WWP2: variants seen among roughly 807,000 people sequenced by gnomAD.
The protein encoded by WWP2 is WW domain containing E3 ubiquitin protein ligase 2, also known as NEDD4-like E3 ubiquitin-protein ligase WWP2.
Under a neutral mutation model 121.0 loss-of-function variants are expected in WWP2, and 57 were observed. The observed-to-expected ratio is 0.47, with a 90% CI of 0.38 to 0.59. The LOEUF (loss-of-function observed/expected upper bound fraction) is 0.59. Among genes scored for constraint, WWP2 ranks in the 20% least tolerant of loss-of-function variants. WWP2 has a pLI of 0.00. For missense variants in WWP2, 962 were observed against 1,158.9 expected (o/e 0.83, Z 2.47); for synonymous variants, 449 against 441.3 (o/e 1.02, Z -0.22).
At chr16:69,930,007 C>T (rs921127991) in intron 12 of WWP2, 123 bp from the exon 13 acceptor site, 58 of 1,418,774 alleles carry the variant, frequency 4.1e-5, no homozygotes, top group Non-Finnish European at 5.4e-5. Flanking sequence ...TTCTTGGGTG[C>T]ATGTCCTCAA....
At chr16:69,931,304 A>G (rs1229013057) in intron 14 of WWP2, 77 bp downstream of exon 14, 6 of 1,573,414 alleles carry the variant, frequency 3.8e-6, no homozygotes, top group Admixed American at 3.4e-5. Flanking sequence ...GCACAGCAGC[A>G]GGTATCGGAA....
intron 2 of WWP2, among the ~76,000 whole-genome samples, chr16:69,791,692 A>G (rs895338860): frequency 2.6e-5 from 4 of 151,908 alleles, no homozygotes; most frequent in African/African-American, 4.8e-5. Context: ...CTAATTCTTA[A>G]ATTTTTTTTA....
At chr16:69,919,275 C>T (rs1345689810) in intron 10 of WWP2, among the ~76,000 whole-genome samples, 1 of 25,998 alleles carries the variant, frequency 3.8e-5, no homozygotes, top group Non-Finnish European at 6.2e-5. Context: ...AAGCAATTCT[C>T]CTGCCTCACC....
chr16:69,854,068 G>C (rs1040247107), intron 6 of WWP2, among the ~76,000 whole-genome samples: 3 of 152,226 alleles, frequency 2.0e-5, no homozygotes, highest in South Asian at 2.1e-4. Flanking sequence ...GCCACAATAA[G>C]GGCACAATTC....
At chr16:69,850,893 T>G (rs1408641279) in intron 6 of WWP2, among the ~76,000 whole-genome samples, 1 of 152,128 alleles carries the variant, frequency 6.6e-6, no homozygotes, top group Non-Finnish European at 1.5e-5. Context: ...ATATATACTC[T>G]CTTCCCCACT....
rs1358737651 is a variant in WWP2, at chr16:69,937,519, C to T, written c.2239-29C>T. ...GGACGATGCGCGGGGAGGGACCTGC[C>T]GGGGATGCTGACTGCCGCCTCTCCC... On this transcript the variant is annotated intron_variant, in intron 20 of 23. Coordinates refer to ENST00000359154, the MANE Select transcript of WWP2 (RefSeq NM_001270454.2). This position sits in a 1 kb window ranked among gnomAD's most constrained non-coding sequence, Gnocchi z 6.6. The T allele has an allele frequency of 1.2e-5, 20 of 1,610,058 alleles. No homozygotes were observed. Among genetic ancestry groups the T allele is most frequent in the East Asian group, 6.7e-5 (3 of 44,862 alleles).
chr16:69,850,202 C>T (rs1430658195), intron 6 of WWP2, among the ~76,000 whole-genome samples: 10 of 152,092 alleles, frequency 6.6e-5, no homozygotes, highest in African/African-American at 1.4e-4. Context: ...CTGGCTAACA[C>T]GGTGAAACCC....
chr16:69,797,853 A>G (rs756020529), intron 2 of WWP2, among the ~76,000 whole-genome samples: 11 of 151,758 alleles, frequency 7.2e-5, no homozygotes, highest in Non-Finnish European at 1.5e-4. Context: ...GTGGCATTAC[A>G]CTCCAGCCTG....
intron 6 of WWP2, among the ~76,000 whole-genome samples, chr16:69,871,422 C>G (rs984823178): frequency 6.6e-6 from 1 of 152,204 alleles, no homozygotes; most frequent in Non-Finnish European, 1.5e-5. Flanking sequence ...TTGAGCTCTT[C>G]TTGCCTAATG....
intron 6 of WWP2, 60 bp from the exon 7 acceptor site, chr16:69,871,744 A>T: frequency 6.3e-7 from 1 of 1,597,800 alleles, no homozygotes; most frequent in Non-Finnish European, 8.6e-7. Flanking sequence ...TTAGGTAGGA[A>T]ACACTTCTGT....
chr16:69,928,768 C>G (rs1296194121), intron 11 of WWP2, among the ~76,000 whole-genome samples: 2 of 152,062 alleles, frequency 1.3e-5, no homozygotes, highest in African/African-American at 4.8e-5. Context: ...AAAAAAGATA[C>G]AAGTCTAAGA....
chr16:69,931,617 C>T (rs547094730), intron 15 of WWP2, 37 bp downstream of exon 15: 7 of 1,612,674 alleles, frequency 4.3e-6, no homozygotes, highest in East Asian at 4.5e-5. Context: ...GGCAGGCCGA[C>T]GCCCTCCTCC....
intron 16 of WWP2, chr16:69,933,271 C>A: frequency 2.6e-6 from 1 of 384,826 alleles, no homozygotes. Flanking sequence ...GCTGGTTTAG[C>A]TCAAGCCCAA....
chr16:69,811,366 G>T (rs2056389625), intron 4 of WWP2, among the ~76,000 whole-genome samples: 1 of 151,944 alleles, frequency 6.6e-6, no homozygotes, highest in South Asian at 2.1e-4. Flanking sequence ...CAGCATTTTG[G>T]GAGGCTAAGG....
rs374077548 is a variant in WWP2 at position 69,892,119 on chromosome 16, A to G, written c.914+3870A>G. 1.4e-3 allele frequency among the ~76,000 whole-genome samples: 214 copies of G among 152,314 alleles called. 8 individuals are homozygous for G. The South Asian group carries it at 0.042, about 30-fold the overall frequency. ...CACATATGCACCTAGCCTGGCACAT[A>G]GTGGGACTCCAGGAAATAGTTAAAT... On this transcript the variant is annotated intron_variant, in intron 8 of 23. Coordinates refer to ENST00000359154, the MANE Select transcript of WWP2 (RefSeq NM_001270454.2).
intron 6 of WWP2, among the ~76,000 whole-genome samples, chr16:69,870,320 A>G (rs1187328562): frequency 1.2e-4 from 16 of 134,758 alleles, no homozygotes; most frequent in African/African-American, 4.5e-4. Context: ...TTTTTTGGAG[A>G]CACTCTCACT....
chr16:69,802,090 C>T (rs112038213), intron 4 of WWP2, among the ~76,000 whole-genome samples: 25 of 151,940 alleles, frequency 1.6e-4, no homozygotes, highest in East Asian at 9.7e-4. Context: ...CCACCATGCC[C>T]GGCTAATTTT....
chr16:69,864,337 G>T (rs1453780974), intron 6 of WWP2, among the ~76,000 whole-genome samples: 1 of 152,054 alleles, frequency 6.6e-6, no homozygotes, highest in African/African-American at 2.4e-5. Flanking sequence ...ACTCCAGCCT[G>T]GGTGACAGAG....
intron 8 of WWP2, among the ~76,000 whole-genome samples, chr16:69,894,037 T>C (rs1436166685): frequency 6.6e-6 from 1 of 152,058 alleles, no homozygotes; most frequent in East Asian, 1.9e-4. Context: ...AGCAAGGTTC[T>C]CTTGGGGATC....
Sources: gnomAD v4.1 joint callset for allele counts (sites outside exome capture counted in the v4.1 genomes callset) on GRCh38, gnomAD v4.1.1 for gene constraint, Gnocchi (gnomAD v3.1) non-coding constraint, MANE v1.5 for transcripts, NCBI Gene and HGNC (gene_info 2026-07-23, HGNC 2026-07-21) for gene names.